EEIG2: variants seen among roughly 807,000 people sequenced by gnomAD.
EEIG2 encodes family with sequence similarity 102 member B.
the EEIG2 span, among the ~76,000 whole-genome samples, chr1:108,588,537 A>G: frequency 6.6e-6 from 1 of 152,154 alleles, no homozygotes; most frequent in African/African-American, 2.4e-5. Flanking sequence ...TTGTAATTGT[A>G]TAAGTTTATG....
the EEIG2 span, chr1:108,606,318 AAAATT>A: frequency 1.7e-6 from 2 of 1,155,178 alleles, no homozygotes; most frequent in Non-Finnish European, 2.4e-6. Context: ...TATAGGCTTA[AAAATT>A]AAATTGTTTA....
At chr1:108,638,988 T>G in the EEIG2 span, 1 of 152,250 alleles carries the variant, frequency 6.6e-6, no homozygotes, top group African/African-American at 2.4e-5. Flanking sequence ...AGAAATTATC[T>G]TACTGATATG....
the EEIG2 span, among the ~76,000 whole-genome samples, chr1:108,581,216 GA>G: frequency 0.14 from 21,295 of 150,826 alleles, 2,264 homozygotes; most frequent in African/African-American, 0.3. Context: ...CTACTGCTCA[GA>G]AAAAAAAAGA....
At chr1:108,576,490 C>T in the EEIG2 span, among the ~76,000 whole-genome samples, 3 of 131,752 alleles carry the variant, frequency 2.3e-5, no homozygotes, top group South Asian at 2.7e-4. Flanking sequence ...TATTCCCCTT[C>T]CTGTGTCCAT....
At chr1:108,602,054 G>A in the EEIG2 span, among the ~76,000 whole-genome samples, 1 of 152,168 alleles carries the variant, frequency 6.6e-6, no homozygotes, top group African/African-American at 2.4e-5. Context: ...TTTATGTGTA[G>A]GAAACAATTC....
the EEIG2 span, among the ~76,000 whole-genome samples, chr1:108,620,491 AG>A: frequency 2.6e-5 from 4 of 152,212 alleles, no homozygotes; most frequent in Non-Finnish European, 5.9e-5. Context: ...GTGCTAATAA[AG>A]AAAAAAGATA....
At chr1:108,607,302 G>A in the EEIG2 span, among the ~76,000 whole-genome samples, 7 of 152,222 alleles carry the variant, frequency 4.6e-5, no homozygotes, top group South Asian at 1.2e-3. Context: ...GCTTCTCCCT[G>A]TATTACTTTT....
the EEIG2 span, among the ~76,000 whole-genome samples, chr1:108,586,476 C>T: frequency 6.6e-6 from 1 of 152,162 alleles, no homozygotes; most frequent in South Asian, 2.1e-4. Context: ...AGAATAATTA[C>T]AAATTACTTT....
the EEIG2 span, among the ~76,000 whole-genome samples, chr1:108,630,067 C>T: frequency 1.1e-3 from 161 of 152,334 alleles, no homozygotes; most frequent in African/African-American, 3.6e-3. Flanking sequence ...TAGCCTCAAA[C>T]TCCTGAGCTC....
chr1:108,601,047 G>C, the EEIG2 span, among the ~76,000 whole-genome samples: 1 of 151,938 alleles, frequency 6.6e-6, no homozygotes. Context: ...CTGAAATTAG[G>C]TGTTATTTTC....
chr1:108,628,224 G>A, the EEIG2 span: 1 of 1,614,172 alleles, frequency 6.2e-7, no homozygotes, highest in South Asian at 1.1e-5. Flanking sequence ...GGACATTCTA[G>A]AACATCAAGC....
At chr1:108,631,972 G>C in the EEIG2 span, among the ~76,000 whole-genome samples, 1 of 151,754 alleles carries the variant, frequency 6.6e-6, no homozygotes, top group Admixed American at 6.6e-5. Flanking sequence ...AAATTAGCCG[G>C]GTGTGGTGGC....
chr1:108,596,612 TA>T, the EEIG2 span, among the ~76,000 whole-genome samples: 2 of 152,204 alleles, frequency 1.3e-5, no homozygotes, highest in Non-Finnish European at 2.9e-5. Context: ...TAATTCCCTG[TA>T]TGCTTTTTTT....
At chr1:108,579,772 T>TGTGTGAGA in the EEIG2 span, among the ~76,000 whole-genome samples, 21 of 58,874 alleles carry the variant, frequency 3.6e-4, no homozygotes, top group African/African-American at 8.5e-4. Flanking sequence ...TGTGTGTGTG[T>TGTGTGAGA]GAGAGAGAGA....
chr1:108,634,815 A>T, the EEIG2 span, among the ~76,000 whole-genome samples: 23 of 152,318 alleles, frequency 1.5e-4, no homozygotes, highest in African/African-American at 5.3e-4. Context: ...ATAGATAAAC[A>T]TGTTTGAAGA....
chr1:108,587,737 A>G, the EEIG2 span, among the ~76,000 whole-genome samples: 4 of 152,158 alleles, frequency 2.6e-5, no homozygotes, highest in African/African-American at 9.7e-5. Flanking sequence ...CAGATTTCCC[A>G]GTCTATGATG....
the EEIG2 span, among the ~76,000 whole-genome samples, chr1:108,585,670 A>C: frequency 2.0e-5 from 3 of 152,120 alleles, no homozygotes; most frequent in African/African-American, 4.8e-5. Context: ...AGCTATATTA[A>C]TAGTAGGCTG....
the EEIG2 span, among the ~76,000 whole-genome samples, chr1:108,613,716 G>T: frequency 1.3e-5 from 2 of 152,190 alleles, no homozygotes; most frequent in South Asian, 4.1e-4. Context: ...ATCCATTGAT[G>T]ACTTAGCTCC....
chr1:108,573,858 TCAAAAACAAAAAA>T, the EEIG2 span, among the ~76,000 whole-genome samples: 1 of 151,972 alleles, frequency 6.6e-6, no homozygotes, highest in South Asian at 2.1e-4. Context: ...ATGGCAACTA[TCAAAAACAAAAAA>T]CAAAAACAAA....
Sources: allele counts gnomAD v4.1 joint callset (sites outside exome capture counted in the v4.1 genomes callset), GRCh38; gene constraint gnomAD v4.1.1; transcripts MANE v1.5; gene names NCBI Gene and HGNC (gene_info 2026-07-23, HGNC 2026-07-21).